SEL1L3: variants seen among roughly 807,000 people sequenced by gnomAD.
SEL1L3 encodes the protein SEL1L family member 3.
A neutral mutation model predicts 142.8 loss-of-function variants in SEL1L3; 76 were observed. The ratio of observed to expected loss-of-function variants is 0.53; its 90% CI spans 0.44 to 0.64. SEL1L3 has a LOEUF of 0.64. SEL1L3 is among the 30% of genes least tolerant of loss of function. The probability of loss-of-function intolerance (pLI) is 0.00; values close to 1 mark genes in which losing one functional copy is unlikely to be tolerated. For missense variants in SEL1L3, 1,262 were observed against 1,381.7 expected, an observed-to-expected ratio of 0.91 and a Z score of 1.37; for synonymous variants, 504 against 519.6, an observed-to-expected ratio of 0.97 and a Z score of 0.41.
chr4:25,724,184 CGAG>C, the SEL1L3 span, among the ~76,000 whole-genome samples: 1 of 152,000 alleles, frequency 6.6e-6, no homozygotes, highest in South Asian at 2.1e-4. Context: ...TTTGAGAGGC[CGAG>C]GAGGGTGGAT....
intron 8 of SEL1L3, among the ~76,000 whole-genome samples, chr4:25,819,601 T>G (rs1185388508): frequency 6.6e-6 from 1 of 152,254 alleles, no homozygotes; most frequent in Non-Finnish European, 1.5e-5. Context: ...TTGGTTCTTC[T>G]TGGCTGTCAT....
rs1718859655 is a variant in SEL1L3 at position 25,767,842 on chromosome 4, T to C, written c.2670-12A>G. The C allele has an allele frequency of 2.7e-6, 4 of 1,480,988 alleles. No individual in the cohort carries two copies. The highest frequency in any genetic ancestry group is 1.4e-5 in the African/African-American group (1 of 71,802). 91.7% of individuals were successfully genotyped at this position (1,480,988 alleles called of 1,614,324 possible). ...GCAAAGCTTCATGCCTAAAAATAGATGATTAATAATAAATTTCATATAGTG... is the reference window on the plus strand; with the variant it reads ...GCAAAGCTTCATGCCTAAAAATAGACGATTAATAATAAATTTCATATAGTG... On this transcript the variant is annotated splice_polypyrimidine_tract_variant and intron_variant, in intron 17 of 23. Coordinates refer to ENST00000399878, the MANE Select transcript of SEL1L3 (RefSeq NM_015187.5).
intron 23 of SEL1L3, 71 bp from the exon 24 acceptor site, chr4:25,748,635 G>A (rs1188241814): frequency 4.6e-6 from 7 of 1,514,338 alleles, no homozygotes; most frequent in East Asian, 2.4e-5. Context: ...ACCACACCTA[G>A]AGACTCTGGC....
At position 25,862,942 on chromosome 4, in the gene SEL1L3, G is replaced by A; in HGVS notation, c.-106C>T. ...CGCCCCCGGCCGGGCCGGCCGCCGC[G>A]CGCGGGGCCACCTGCCGCCACCTCC... On this transcript the variant is annotated 5_prime_UTR_variant, in exon 1 of 24. Transcript: ENST00000399878. 1.3e-6 allele frequency: 1 copy of A among 797,560 alleles called. No homozygotes were observed. Among genetic ancestry groups the A allele is most frequent in the Non-Finnish European group, 1.5e-6 (1 of 673,902 alleles). 49.4% of individuals were successfully genotyped at this position (797,560 alleles called of 1,614,324 possible).
chr4:25,782,420 T>C lies in SEL1L3; in HGVS notation c.2281-2A>G. ...GCCATTGACTGCCTGATGCAATCCC[T>C]GAATTTTGGAACAAGAAAGAAATTA... On this transcript the variant is annotated splice_acceptor_variant, in intron 14 of 23. Transcript: ENST00000399878. LOFTEE classifies it high-confidence loss of function. 1 of 1,609,652 alleles carries C rather than the reference T, an allele frequency of 6.2e-7. No homozygotes were observed. Among genetic ancestry groups the C allele is most frequent in the Non-Finnish European group, 8.5e-7 (1 of 1,178,342 alleles).
intron 1 of SEL1L3, among the ~76,000 whole-genome samples, chr4:25,859,581 C>G (rs1717552776): frequency 1.3e-5 from 2 of 152,188 alleles, no homozygotes; most frequent in African/African-American, 4.8e-5. Flanking sequence ...AGAAGCTGCT[C>G]TCAACCTCCA....
chr4:25,728,965 G>A, the SEL1L3 span, among the ~76,000 whole-genome samples: 1 of 151,964 alleles, frequency 6.6e-6, no homozygotes, highest in South Asian at 2.1e-4. Flanking sequence ...CAAATACTAC[G>A]TTTCCAACCA....
intron 1 of SEL1L3, among the ~76,000 whole-genome samples, chr4:25,859,994 C>G (rs565618565): frequency 3.5e-4 from 53 of 152,120 alleles, no homozygotes; most frequent in Non-Finnish European, 7.2e-4. Flanking sequence ...GCAGCAAAAT[C>G]CAGAAGACAA....
chr4:25,858,125 A>G (rs2109326590), intron 1 of SEL1L3, among the ~76,000 whole-genome samples: 1 of 152,378 alleles, frequency 6.6e-6, no homozygotes, highest in South Asian at 2.1e-4. Context: ...GGTCTACTCC[A>G]GTCTATCCAT....
intron 23 of SEL1L3, among the ~76,000 whole-genome samples, chr4:25,752,622 G>A (rs533951696): frequency 9.9e-5 from 15 of 152,084 alleles, no homozygotes; most frequent in Middle Eastern, 3.4e-3. Context: ...AACATTTGTG[G>A]TTTTGTTTTG....
chr4:25,833,228 A>C (rs193299287), intron 4 of SEL1L3, 118 bp from the exon 5 acceptor site: 40 of 732,310 alleles, frequency 5.5e-5, no homozygotes, highest in Middle Eastern at 5.3e-4. Flanking sequence ...AAACAAAGCA[A>C]AACCCAAACA....
intron 6 of SEL1L3, among the ~76,000 whole-genome samples, chr4:25,822,602 G>C (rs1382587531): frequency 6.6e-6 from 1 of 152,310 alleles, no homozygotes; most frequent in East Asian, 1.9e-4. Context: ...AGGTGGCTGT[G>C]GGGGAAAGCC....
At chr4:25,851,977 A>G (rs1322135159) in intron 1 of SEL1L3, among the ~76,000 whole-genome samples, 1 of 151,680 alleles carries the variant, frequency 6.6e-6, no homozygotes. Context: ...ATTCCTTTTG[A>G]CCAGTCATGG....
At chr4:25,771,321 G>A (rs546183229) in intron 17 of SEL1L3, among the ~76,000 whole-genome samples, 8 of 152,304 alleles carry the variant, frequency 5.3e-5, no homozygotes, top group East Asian at 1.9e-4. Flanking sequence ...GACAGGGAGA[G>A]GGGAATGGGT....
At chr4:25,818,300 A>G in intron 8 of SEL1L3, 22 bp from the exon 9 acceptor site, 4 of 1,585,178 alleles carry the variant, frequency 2.5e-6, no homozygotes, top group Non-Finnish European at 3.4e-6. Flanking sequence ...AGGGAGCAGA[A>G]GATATCACAC....
chr4:25,821,791 T>C, intron 7 of SEL1L3, among the ~76,000 whole-genome samples: 1 of 152,254 alleles, frequency 6.6e-6, no homozygotes, highest in East Asian at 1.9e-4. Flanking sequence ...ATGGTTTCCA[T>C]TTTATGAGTA....
chr4:25,803,463 T>C (rs1038478699), intron 10 of SEL1L3, among the ~76,000 whole-genome samples: 1 of 152,216 alleles, frequency 6.6e-6, no homozygotes, highest in East Asian at 1.9e-4. Context: ...CTATGCAAAT[T>C]TGAAAACGAA....
intron 20 of SEL1L3, among the ~76,000 whole-genome samples, chr4:25,760,283 G>A (rs1357521659): frequency 1.3e-5 from 2 of 152,152 alleles, no homozygotes; most frequent in Non-Finnish European, 2.9e-5. Context: ...AGTATTCCAT[G>A]GTGTATATGT....
intron 6 of SEL1L3, among the ~76,000 whole-genome samples, chr4:25,825,076 A>G (rs1331050704): frequency 6.6e-6 from 1 of 152,192 alleles, no homozygotes; most frequent in East Asian, 1.9e-4. Flanking sequence ...GAATATATAC[A>G]TATATATGTT....
Sources: gnomAD v4.1 joint callset for allele counts (sites outside exome capture counted in the v4.1 genomes callset) on GRCh38, gnomAD v4.1.1 for gene constraint, MANE v1.5 for transcripts, NCBI Gene and HGNC (gene_info 2026-07-23, HGNC 2026-07-21) for gene names.